Variants in HCRTR2 observed in about 807,000 individuals in gnomAD.
The protein encoded by HCRTR2 is orexin receptor type 2.
Under a neutral mutation model 49.0 loss-of-function variants are expected in HCRTR2, and 22 were observed. The ratio of observed to expected loss-of-function variants is 0.45; its 90% CI spans 0.32 to 0.64. The LOEUF (loss-of-function observed/expected upper bound fraction) is 0.64, where lower values mean the gene tolerates loss of function less well. Among genes scored for constraint, HCRTR2 ranks in the 30% least tolerant of loss-of-function variants. HCRTR2 has a pLI of 0.04. For missense variants in HCRTR2, 491 were observed against 559.4 expected, an observed-to-expected ratio of 0.88 and a Z score of 1.23; for synonymous variants, 236 against 205.3, an observed-to-expected ratio of 1.15 and a Z score of -1.28.
chr6:55,197,382 C>G (rs1765436080), intron 1 of HCRTR2, among the ~76,000 whole-genome samples: 2 of 152,264 alleles, frequency 1.3e-5, no homozygotes, highest in South Asian at 4.1e-4. Flanking sequence ...GACTCTGACT[C>G]TAAACATAGG....
At chr6:55,108,658 C>T (rs962064190) in intron 1 of HCRTR2, among the ~76,000 whole-genome samples, 6 of 152,086 alleles carry the variant, frequency 3.9e-5, no homozygotes, top group Admixed American at 2.6e-4. Flanking sequence ...GCACTTCTGG[C>T]CCCTAAGGAA....
rs535844598 is a variant in HCRTR2 at position 55,238,932 on chromosome 6, C to T, written c.224-9707C>T. ...GTCTTGGGGAGGATCGGATTGGTTG[C>T]TTGTGTATGTTAATTAATGCAAAAG... On this transcript the variant is annotated intron_variant, in intron 1 of 6. Coordinates refer to ENST00000370862, the MANE Select transcript of HCRTR2 (RefSeq NM_001384272.1). Among the ~76,000 whole-genome samples the T allele has an allele frequency of 4.6e-5, 7 of 152,226 alleles. No homozygotes were observed. The South Asian group carries it at 1.5e-3, about 32-fold the overall frequency.
chr6:55,150,357 C>T (rs71548696), intron 1 of HCRTR2, among the ~76,000 whole-genome samples: 23,961 of 116,740 alleles, frequency 0.21, 2,119 homozygotes, highest in Non-Finnish European at 0.27. Context: ...GAACACTTAG[C>T]ATAAGATCTA....
intron 5 of HCRTR2, among the ~76,000 whole-genome samples, chr6:55,280,034 T>TA (rs1349248727): frequency 6.6e-6 from 1 of 152,158 alleles, no homozygotes; most frequent in Non-Finnish European, 1.5e-5. Context: ...ATAAAGAAGA[T>TA]ATATATTCAA....
At chr6:55,161,239 T>C (rs1478216693) in intron 1 of HCRTR2, among the ~76,000 whole-genome samples, 1 of 151,932 alleles carries the variant, frequency 6.6e-6, no homozygotes, top group Non-Finnish European at 1.5e-5. Context: ...GACTACTGGG[T>C]AAATAATGAA....
At chr6:55,184,783 A>T (rs1765190352) in intron 1 of HCRTR2, among the ~76,000 whole-genome samples, 1 of 152,198 alleles carries the variant, frequency 6.6e-6, no homozygotes, top group Non-Finnish European at 1.5e-5. Flanking sequence ...GTAGATTCTT[A>T]GCTTTTATTC....
rs553270444 is a variant in HCRTR2, at chr6:55,162,680, T to C, written c.-377-11531T>C. Among the ~76,000 whole-genome samples the C allele has an allele frequency of 7.2e-5, 11 of 152,222 alleles. No individual in the cohort carries two copies. The East Asian group carries it at 1.9e-3, about 27-fold the overall frequency. On this transcript the variant is annotated intron_variant, in intron 1 of 7. Coordinates refer to the HCRTR2 transcript ENST00000615358. ...TCAATGTGCAAAAATCACAAGCATT[T>C]CTATACACTAATAATAGACAAACAG... is the stretch of plus-strand genomic sequence containing the variant.
intron 4 of HCRTR2, among the ~76,000 whole-genome samples, chr6:55,264,803 AG>A (rs551043980): frequency 1.1e-4 from 16 of 152,250 alleles, no homozygotes; most frequent in Admixed American, 3.3e-4. Context: ...TTACTTTATC[AG>A]GCTTGTGGAA....
intron 3 of HCRTR2, among the ~76,000 whole-genome samples, chr6:55,258,144 C>A (rs551081860): frequency 1.3e-5 from 2 of 152,194 alleles, no homozygotes; most frequent in African/African-American, 4.8e-5. Context: ...ACAGTGTCAT[C>A]TCTCTAAATT....
intron 1 of HCRTR2, among the ~76,000 whole-genome samples, chr6:55,196,459 TCTTTCC>T (rs1381921336): frequency 6.6e-6 from 1 of 152,212 alleles, no homozygotes; most frequent in Non-Finnish European, 1.5e-5. Flanking sequence ...GTGCCTAAGA[TCTTTCC>T]CTTTGCCACA....
At chr6:55,136,715 G>A (rs903049058) in intron 1 of HCRTR2, among the ~76,000 whole-genome samples, 1 of 152,102 alleles carries the variant, frequency 6.6e-6, no homozygotes, top group Non-Finnish European at 1.5e-5. Flanking sequence ...GTGCACCTTT[G>A]ACTATTGCCT....
upstream of HCRTR2, chr6:55,174,349 T>G (rs2127268656): frequency 1.8e-6 from 1 of 554,602 alleles, no homozygotes; most frequent in South Asian, 2.0e-5. Flanking sequence ...GCCGGGTCCC[T>G]AGTTCCTCAG....
At chr6:55,134,037 A>G (rs529637593) in intron 1 of HCRTR2, among the ~76,000 whole-genome samples, 11 of 152,022 alleles carry the variant, frequency 7.2e-5, no homozygotes, top group African/African-American at 2.6e-4. Flanking sequence ...AGGAACATAT[A>G]CATTTCTTAT....
intron 1 of HCRTR2, among the ~76,000 whole-genome samples, chr6:55,222,401 A>G (rs1765916408): frequency 6.6e-6 from 1 of 152,212 alleles, no homozygotes; most frequent in Non-Finnish European, 1.5e-5. Flanking sequence ...AAAATTAAAA[A>G]TAAAACTATA....
At chr6:55,245,490 T>TATATATATATATATATATATATAC (rs1365986348) in intron 1 of HCRTR2, among the ~76,000 whole-genome samples, 3 of 133,186 alleles carry the variant, frequency 2.3e-5, no homozygotes, top group African/African-American at 8.5e-5. Flanking sequence ...TATATATATA[T>TATATATATATATATATATATATAC]ATATATATAT....
intron 1 of HCRTR2, among the ~76,000 whole-genome samples, chr6:55,211,796 C>T (rs1562008596): frequency 6.6e-6 from 1 of 152,112 alleles, no homozygotes; most frequent in Non-Finnish European, 1.5e-5. Flanking sequence ...ACATCACTTC[C>T]TCTGGGAAGC....
chr6:55,228,649 A>C (rs2127299011), intron 1 of HCRTR2, among the ~76,000 whole-genome samples: 1 of 152,318 alleles, frequency 6.6e-6, no homozygotes, highest in African/African-American at 2.4e-5. Context: ...AGATATTGTC[A>C]CATTCCATTT....
chr6:55,156,691 G>A (rs1764736071), intron 1 of HCRTR2, among the ~76,000 whole-genome samples: 1 of 151,784 alleles, frequency 6.6e-6, no homozygotes, highest in African/African-American at 2.4e-5. Flanking sequence ...TATTTTAAAG[G>A]ACTATACACC....
At chr6:55,182,227 GC>G (rs1765145711) in intron 1 of HCRTR2, among the ~76,000 whole-genome samples, 1 of 152,104 alleles carries the variant, frequency 6.6e-6, no homozygotes, top group Non-Finnish European at 1.5e-5. Flanking sequence ...TCCAATGACC[GC>G]CCCCGGGCCC....
Sources: allele counts gnomAD v4.1 joint callset (sites outside exome capture counted in the v4.1 genomes callset), GRCh38; gene constraint gnomAD v4.1.1; transcripts MANE v1.5; gene names NCBI Gene and HGNC (gene_info 2026-07-23, HGNC 2026-07-21).